Variants in UGT1A1 observed in about 807,000 individuals in gnomAD.
UGT1A1 encodes the protein UDP-glucuronosyltransferase 1A1.
A neutral mutation model predicts 40.6 loss-of-function variants in UGT1A1; 33 were observed. The ratio of observed to expected loss-of-function variants is 0.81; its 90% confidence interval spans 0.62 to 1.09. The LOEUF (loss-of-function observed/expected upper bound fraction) is 1.09, where lower values mean the gene tolerates loss of function less well. Ranked by LOEUF, UGT1A1 falls within the 50% of genes least tolerant of loss-of-function variation. The pLI, the probability that UGT1A1 is intolerant of heterozygous loss-of-function variation, is 0.00. For missense variants in UGT1A1, 694 were observed against 671.2 expected (o/e 1.03, Z -0.38); for synonymous variants, 249 against 265.0 (o/e 0.94, Z 0.59).
At position 233,767,866 on chromosome 2, in the gene UGT1A1, T is replaced by G. The variant is rs772563329; in HGVS notation, c.1014T>G (p.Thr338=). Reference sequence around the variant, plus strand: ...CCTCCCAGGTCCTGTGGCGGTACACTGGAACCCGACCATCGAATCTTGCGA... The same window carrying G: ...CCTCCCAGGTCCTGTGGCGGTACACGGGAACCCGACCATCGAATCTTGCGA... ...KIPQTVLWRY[T]GTRPSNLANN... The change falls in exon 3 of 5, where the codon ACT becomes ACG. Residue 338 remains threonine (T), a synonymous_variant. Coordinates refer to ENST00000305208, the MANE Select transcript of UGT1A1 (RefSeq NM_000463.3). The G allele has an allele frequency of 3.1e-6, 5 of 1,614,214 alleles. No individual in the cohort carries two copies. The highest frequency in any genetic ancestry group is 4.2e-6 in the Non-Finnish European group (5 of 1,180,038).
rs1699505482 is a variant in UGT1A1, at chr2:233,767,840, C to T, written c.997-9C>T. The T allele has an allele frequency of 5.6e-6, 9 of 1,614,028 alleles. No homozygotes were observed. The highest frequency in any genetic ancestry group is 1.1e-5 in the South Asian group (1 of 91,070). ...TTTCTTTACGTTCTGCTCTTTTTGC[C>T]CCTCCCAGGTCCTGTGGCGGTACAC... On this transcript the variant is annotated splice_polypyrimidine_tract_variant and intron_variant, in intron 2 of 4. Coordinates refer to ENST00000305208, the MANE Select transcript of UGT1A1 (RefSeq NM_000463.3).
At chr2:233,763,395 T>C (rs1347086472) in intron 1 of UGT1A1, among the ~76,000 whole-genome samples, 2 of 152,256 alleles carry the variant, frequency 1.3e-5, no homozygotes, top group African/African-American at 2.4e-5. Context: ...TTAAACAACA[T>C]GGCACTGGTA....
Position 233,768,444 on chromosome 2 carries a change from G to T in UGT1A1, c.1304+5G>T. 3.7e-6 allele frequency: 6 copies of T among 1,612,940 alleles called. No homozygotes were observed. The highest frequency in any genetic ancestry group is 5.1e-6 in the Non-Finnish European group (6 of 1,179,422). Reference sequence around the variant, plus strand: ...AGCAGTCATCAATGACAAAAGGTAAGAAAGAAGATACAGAAGAATACTTTG... The same window carrying T: ...AGCAGTCATCAATGACAAAAGGTAATAAAGAAGATACAGAAGAATACTTTG... On this transcript the variant is annotated splice_donor_5th_base_variant and intron_variant, in intron 4 of 4. Coordinates refer to ENST00000305208, the MANE Select transcript of UGT1A1 (RefSeq NM_000463.3).
At chr2:233,765,397 A>G (rs1698823781) in intron 1 of UGT1A1, among the ~76,000 whole-genome samples, 1 of 152,238 alleles carries the variant, frequency 6.6e-6, no homozygotes, top group South Asian at 2.1e-4. Context: ...AAAATGTGGT[A>G]CATATACACC....
chr2:233,768,255 G>A lies in UGT1A1; in HGVS notation c.1120G>A (p.Gly374Ser), dbSNP rs1276913504. The A allele has an allele frequency of 1.2e-6, 2 of 1,614,166 alleles. No homozygotes were observed. Among genetic ancestry groups the A allele is most frequent in the Non-Finnish European group, 8.5e-7 (1 of 1,180,040 alleles). ...PMTRAFITHAGSHGVYESICN... is the reference protein window; with the variant it reads ...PMTRAFITHASSHGVYESICN... Reference sequence around the variant, plus strand: ...GACCCGTGCCTTTATCACCCATGCTGGTTCCCATGGTGTTTATGAAAGCAT... The same window carrying A: ...GACCCGTGCCTTTATCACCCATGCTAGTTCCCATGGTGTTTATGAAAGCAT... The change falls in exon 4 of 5, where the codon GGT becomes AGT. Residue 374 changes from glycine to serine, a missense_variant. Gly to Ser is a moderately conservative substitution (Grantham distance 56, BLOSUM62 0). Coordinates refer to ENST00000305208, the MANE Select transcript of UGT1A1 (RefSeq NM_000463.3).
chr2:233,768,908 GA>G (rs1376378983), intron 4 of UGT1A1, among the ~76,000 whole-genome samples: 2 of 152,020 alleles, frequency 1.3e-5, no homozygotes, highest in African/African-American at 4.8e-5. Context: ...AGATAATTTA[GA>G]GGTTATTATT....
chr2:233,768,814 C>T (rs1699733347), intron 4 of UGT1A1, among the ~76,000 whole-genome samples: 1 of 152,052 alleles, frequency 6.6e-6, no homozygotes, highest in African/African-American at 2.4e-5. Context: ...GAACTCCTGA[C>T]TTCAGGTGAT....
chr2:233,760,485 G>T lies in UGT1A1; in HGVS notation c.198G>T (p.Leu66Phe). The part of the protein sequence containing the change: ...EIVVLAPDAS[L>F]YIRDGAFYTL... ...TTGTCCTAGCACCTGACGCCTCGTT[G>T]TACATCAGAGACGGAGCATTTTACA... Residue 66 changes from leucine (L) to phenylalanine (F), a missense_variant, in exon 1 of 5, where the codon TTG becomes TTT. Transcript: ENST00000305208. 2 of 1,614,228 alleles carry T rather than the reference G, an allele frequency of 1.2e-6. No individual in the cohort carries two copies. Among genetic ancestry groups the T allele is most frequent in the Non-Finnish European group, 1.7e-6 (2 of 1,180,042 alleles).
chr2:233,767,370 A>G (rs1265140795), intron 2 of UGT1A1, among the ~76,000 whole-genome samples: 1 of 152,186 alleles, frequency 6.6e-6, no homozygotes, highest in Non-Finnish European at 1.5e-5. Context: ...CTATTAAACT[A>G]TGATCCACCA....
chr2:233,764,085 G>T (rs1214257017), intron 1 of UGT1A1, among the ~76,000 whole-genome samples: 1 of 152,154 alleles, frequency 6.6e-6, no homozygotes, highest in African/African-American at 2.4e-5. Flanking sequence ...CTAATTAAAA[G>T]CCTAAACTAA....
At position 233,769,662 on chromosome 2, in the gene UGT1A1, G is replaced by A; in HGVS notation, c.1304+1223G>A. 1 of 1,599,484 alleles carries A rather than the reference G, an allele frequency of 6.3e-7. No individual in the cohort carries two copies. The highest frequency in any genetic ancestry group is 8.5e-7 in the Non-Finnish European group (1 of 1,173,496). On this transcript the variant is annotated intron_variant, in intron 4 of 4. Transcript: ENST00000305208. The surrounding 1 kb of genome is among the most constrained non-coding windows in gnomAD (Gnocchi z 4.4). ...GACTGATGACTGACTTCCCACCTTT[G>A]AGGTGCTAATGTGTGTGTGGTGGCA...
intron 1 of UGT1A1, among the ~76,000 whole-genome samples, chr2:233,763,620 C>T (rs1442912826): frequency 6.6e-6 from 1 of 152,168 alleles, no homozygotes; most frequent in African/African-American, 2.4e-5. Flanking sequence ...ACTACCATTC[C>T]TCTTGTGTTG....
At chr2:233,765,155 C>T (rs1463454696) in intron 1 of UGT1A1, among the ~76,000 whole-genome samples, 1 of 152,176 alleles carries the variant, frequency 6.6e-6, no homozygotes, top group East Asian at 1.9e-4. Flanking sequence ...TCCTAGGGAA[C>T]CCCTCAGTTT....
chr2:233,763,371 A>G (rs1027317735), intron 1 of UGT1A1, among the ~76,000 whole-genome samples: 3 of 152,180 alleles, frequency 2.0e-5, no homozygotes, highest in African/African-American at 7.2e-5. Flanking sequence ...TTTGTCTTCA[A>G]GCTTTCTTCC....
chr2:233,768,512 T>C (rs1026092471), intron 4 of UGT1A1, 73 bp downstream of exon 4: 15 of 1,552,814 alleles, frequency 9.7e-6, no homozygotes, highest in South Asian at 4.8e-5. Context: ...ATGAAAACAT[T>C]TACGTAGCAT....
rs2125986282 is a variant in UGT1A1 at position 233,760,579 on chromosome 2, A to G, written c.292A>G (p.Asn98Asp). 1 of 1,614,220 alleles carries G rather than the reference A, an allele frequency of 6.2e-7. No individual in the cohort carries two copies. Among genetic ancestry groups the G allele is most frequent in the South Asian group, 1.1e-5 (1 of 91,080 alleles). ...AGAGTCTTTTGTTAGTCTCGGGCAT[A>G]ATGTTTTTGAGAATGATTCTTTCCT... ...VKESFVSLGH[N>D]VFENDSFLQR... The change falls in exon 1 of 5, where the codon AAT (asparagine) becomes GAT (aspartate). Residue 98 changes from asparagine to aspartate, a missense_variant. Asn to Asp is a conservative substitution (Grantham distance 23). Coordinates refer to ENST00000305208, the MANE Select transcript of UGT1A1 (RefSeq NM_000463.3).
rs749552053 is a variant in UGT1A1 at position 233,760,309 on chromosome 2, G to A, written c.22G>A (p.Gly8Arg). 18 of 1,613,646 alleles carry A rather than the reference G, an allele frequency of 1.1e-5. No individual in the cohort carries two copies. The highest frequency in any genetic ancestry group is 2.2e-5 in the East Asian group (1 of 44,886). The change falls in exon 1 of 5, where the codon GGA (glycine) becomes AGA (arginine). Residue 8 changes from glycine to arginine, a missense_variant. Transcript: ENST00000305208. MAVESQG[G>R]RPLVLGLLLC... ...CGCCATGGCTGTGGAGTCCCAGGGCGGACGCCCACTTGTCCTGGGCCTGCT... is the reference window on the plus strand; with the variant it reads ...CGCCATGGCTGTGGAGTCCCAGGGCAGACGCCCACTTGTCCTGGGCCTGCT...
rs527483899 is a variant in UGT1A1 at position 233,768,298 on chromosome 2, T to C, written c.1163T>C (p.Met388Thr). Reference sequence around the variant, plus strand: ...GAAAGCATATGCAATGGCGTTCCCATGGTGATGATGCCCTTGTTTGGTGAT... The same window carrying C: ...GAAAGCATATGCAATGGCGTTCCCACGGTGATGATGCCCTTGTTTGGTGAT... ...VYESICNGVP[M>T]VMMPLFGDQM... The change falls in exon 4 of 5, where the codon ATG becomes ACG. Residue 388 changes from methionine to threonine, a missense_variant. Physicochemically the swap from Met to Thr is moderately conservative, Grantham distance 81. Coordinates refer to ENST00000305208, the MANE Select transcript of UGT1A1 (RefSeq NM_000463.3). 2.2e-5 allele frequency: 35 copies of C among 1,614,192 alleles called. No individual in the cohort carries two copies. In the South Asian group the frequency reaches 3.4e-4, roughly 16 times the overall value.
At position 233,767,022 on chromosome 2, in the gene UGT1A1, T is replaced by G. The variant is rs1433529256; in HGVS notation, c.865-12T>G. 2.5e-6 allele frequency: 4 copies of G among 1,613,876 alleles called. No homozygotes were observed. The African/African-American group carries it at 5.3e-5, about 22-fold the overall frequency. On this transcript the variant is annotated splice_polypyrimidine_tract_variant and intron_variant, in intron 1 of 4. Coordinates refer to ENST00000305208, the MANE Select transcript of UGT1A1 (RefSeq NM_000463.3). Reference sequence around the variant, plus strand: ...AGAAAAAATTAACTGAAAATTTTTCTTCTGGCTCTAGGAATTTGAAGCCTA... The same window carrying G: ...AGAAAAAATTAACTGAAAATTTTTCGTCTGGCTCTAGGAATTTGAAGCCTA...
Sources: gnomAD v4.1 joint callset for allele counts (sites outside exome capture counted in the v4.1 genomes callset) on GRCh38, gnomAD v4.1.1 for gene constraint, Gnocchi (gnomAD v3.1) non-coding constraint, MANE v1.5 for transcripts, NCBI Gene and HGNC (gene_info 2026-07-23, HGNC 2026-07-21) for gene names.